The following TMPRSS15 variants were observed in gnomAD, a reference collection of about 807,000 sequenced individuals.
The protein encoded by TMPRSS15 is enteropeptidase.
Under a neutral mutation model 125.3 loss-of-function variants are expected in TMPRSS15, and 128 were observed. The observed-to-expected ratio is 1.02, with a 90% CI of 0.89 to 1.18. The LOEUF (loss-of-function observed/expected upper bound fraction) is 1.18. TMPRSS15 is among the 50% of genes most tolerant of loss of function. The pLI is 0.00. For missense variants in TMPRSS15, 1,283 were observed against 1,212.7 expected (o/e 1.06, Z -0.86); for synonymous variants, 446 against 423.2 (o/e 1.05, Z -0.66).
At chr21:18,465,373 C>T (rs1389374839) in intron 1 of TMPRSS15, among the ~76,000 whole-genome samples, 1 of 152,154 alleles carries the variant, frequency 6.6e-6, no homozygotes, top group African/African-American at 2.4e-5. Context: ...CCCTCTCTCA[C>T]CACTCCTATT....
At chr21:18,435,025 ATT>A (rs1251523266) in intron 1 of TMPRSS15, among the ~76,000 whole-genome samples, 1 of 152,152 alleles carries the variant, frequency 6.6e-6, no homozygotes, top group Non-Finnish European at 1.5e-5. Flanking sequence ...TCTACCTTGT[ATT>A]TATATCCATC....
chr21:18,365,178 T>C lies in TMPRSS15; in HGVS notation c.735A>G (p.Lys245=). The C allele has an allele frequency of 6.2e-7, 1 of 1,614,076 alleles. No homozygotes were observed. The highest frequency in any genetic ancestry group is 1.1e-5 in the South Asian group (1 of 91,080). ...GGCAGACAACACTTGTTTCAGAAGG[T>C]TTTGGATAATGAGTAGCCTGGAAAG... ...SGSFQATHYP[K]PSETSVVCQW... The change falls in exon 7 of 25, where the codon AAA becomes AAG. Residue 245 remains lysine, a synonymous_variant. Transcript: ENST00000284885.
chr21:18,365,131 T>C lies in TMPRSS15; in HGVS notation c.773+9A>G, dbSNP rs778954131. The C allele has an allele frequency of 1.9e-5, 30 of 1,606,856 alleles. No individual in the cohort carries two copies. The highest frequency in any genetic ancestry group is 2.3e-5 in the Non-Finnish European group (27 of 1,173,324). On this transcript the variant is annotated intron_variant, in intron 7 of 24. Transcript: ENST00000284885. ...ACTTAAGAACAGAAAATATAAGATC[T>C]TGTATTACCGTATGATCCACTGGCA...
chr21:18,339,045 T>C (rs2075421750), intron 13 of TMPRSS15, among the ~76,000 whole-genome samples: 1 of 152,148 alleles, frequency 6.6e-6, no homozygotes, highest in Admixed American at 6.6e-5. Flanking sequence ...CTCTCATGTA[T>C]TACTTTTAGG....
rs200228511 is a variant in TMPRSS15 at position 18,297,113 on chromosome 21, C to T, written c.2261+621G>A. On this transcript the variant is annotated intron_variant, in intron 19 of 24. Transcript: ENST00000284885. ...ATTTCAACAAAAATTACCATTAATA[C>T]CCAAATAGGAGAAATGACTTAATTT... Among the ~76,000 whole-genome samples the T allele has an allele frequency of 2.8e-4, 43 of 152,206 alleles. No individual in the cohort carries two copies. In the East Asian group the frequency reaches 4.8e-3, roughly 17 times the overall value.
At chr21:18,360,661 T>G (rs2075671917) in intron 7 of TMPRSS15, among the ~76,000 whole-genome samples, 1 of 152,170 alleles carries the variant, frequency 6.6e-6, no homozygotes, top group Admixed American at 6.6e-5. Context: ...TTTTTGCCAG[T>G]ACGTTACAGT....
intron 16 of TMPRSS15, among the ~76,000 whole-genome samples, chr21:18,323,248 T>C (rs1439889004): frequency 6.6e-6 from 1 of 152,186 alleles, no homozygotes. Context: ...ATGCTGCTAA[T>C]AAAGACATAC....
intron 16 of TMPRSS15, among the ~76,000 whole-genome samples, chr21:18,325,113 T>C (rs1326818381): frequency 6.6e-6 from 1 of 152,138 alleles, no homozygotes; most frequent in Non-Finnish European, 1.5e-5. Context: ...TACATATCTA[T>C]TGATATTTGC....
intron 22 of TMPRSS15, among the ~76,000 whole-genome samples, chr21:18,279,311 CTTTTTTTTTTTTTTTTTTTTTTT>C (rs71189593): frequency 2.4e-5 from 1 of 41,094 alleles, no homozygotes; most frequent in East Asian, 8.3e-4. Context: ...CCTCGTTACT[CTTTTTTTTTTTTTTTTTTTTTTT>C]TTTTTTTTTG....
chr21:18,390,532 T>G (rs2123089844), intron 3 of TMPRSS15, among the ~76,000 whole-genome samples: 1 of 152,332 alleles, frequency 6.6e-6, no homozygotes, highest in African/African-American at 2.4e-5. Flanking sequence ...CAAAGATACA[T>G]TCTCTGCCCT....
At chr21:18,278,346 T>TG (rs35194749) in intron 23 of TMPRSS15, among the ~76,000 whole-genome samples, 150,804 of 152,094 alleles carry the variant, frequency 0.99, 74,771 homozygotes, top group East Asian at 1. Flanking sequence ...ATATTGAGGT[T>TG]GGGGACACTT....
rs746499130 is a variant in TMPRSS15 at position 18,281,102 on chromosome 21, T to A, written c.2606A>T (p.Asn869Ile). Reference sequence around the variant, plus strand: ...AATGTCGTTGTCCTTTCTTCGCCTATTGTAATGAGGGTTTATGACAATTTC... The same window carrying A: ...AATGTCGTTGTCCTTTCTTCGCCTAATGTAATGAGGGTTTATGACAATTTC... ...IDEIVINPHY[N>I]RRRKDNDIAM... The change falls in exon 22 of 25, where the codon AAT becomes ATT. Residue 869 changes from asparagine to isoleucine, a missense_variant. Physicochemically the swap from Asn to Ile is moderately radical, Grantham distance 149. Coordinates refer to ENST00000284885, the MANE Select transcript of TMPRSS15 (RefSeq NM_002772.3). The A allele has an allele frequency of 2.2e-5, 36 of 1,614,126 alleles. No individual in the cohort carries two copies. Among genetic ancestry groups the A allele is most frequent in the Non-Finnish European group, 3.1e-5 (36 of 1,180,002 alleles).
chr21:18,354,010 A>G, intron 8 of TMPRSS15, 147 bp from the exon 9 acceptor site: 1 of 676,966 alleles, frequency 1.5e-6, no homozygotes, highest in Non-Finnish European at 2.5e-6. Context: ...TAAAAGCATT[A>G]GTCTTACATT....
intron 16 of TMPRSS15, among the ~76,000 whole-genome samples, chr21:18,319,296 T>C (rs538148884): frequency 6.6e-6 from 1 of 152,084 alleles, no homozygotes; most frequent in East Asian, 1.9e-4. Context: ...CTTTGGTGTG[T>C]CAGGAGAACA....
chr21:18,462,689 C>T (rs1978573380), intron 1 of TMPRSS15, among the ~76,000 whole-genome samples: 1 of 151,610 alleles, frequency 6.6e-6, no homozygotes, highest in South Asian at 2.1e-4. Flanking sequence ...GTACAAGTGG[C>T]TTTCAAAAAA....
intron 6 of TMPRSS15, among the ~76,000 whole-genome samples, chr21:18,365,724 CTCT>C (rs1295455997): frequency 1.7e-5 from 2 of 119,308 alleles, no homozygotes; most frequent in East Asian, 5.3e-4. Context: ...CTCTTTCTTT[CTCT>C]TCTTTCTCTT....
At chr21:18,414,724 C>G (rs1165293547) in intron 1 of TMPRSS15, among the ~76,000 whole-genome samples, 1 of 152,146 alleles carries the variant, frequency 6.6e-6, no homozygotes, top group Non-Finnish European at 1.5e-5. Flanking sequence ...CCATTTTATG[C>G]ATATATCACA....
chr21:18,347,452 CTTT>C (rs1182521330), intron 10 of TMPRSS15, among the ~76,000 whole-genome samples: 4 of 151,978 alleles, frequency 2.6e-5, no homozygotes, highest in Admixed American at 6.6e-5. Flanking sequence ...AGCCAGGCTG[CTTT>C]CAAACTCCTG....
intron 18 of TMPRSS15, among the ~76,000 whole-genome samples, chr21:18,298,305 A>G (rs1693410237): frequency 6.6e-6 from 1 of 152,214 alleles, no homozygotes; most frequent in Admixed American, 6.5e-5. Flanking sequence ...CAACATAGAC[A>G]GAGACTATCT....
Sources: gnomAD v4.1 joint callset for allele counts (sites outside exome capture counted in the v4.1 genomes callset) on GRCh38, gnomAD v4.1.1 for gene constraint, MANE v1.5 for transcripts, NCBI Gene and HGNC (gene_info 2026-07-23, HGNC 2026-07-21) for gene names.